Variants in UTRN observed in about 807,000 individuals in gnomAD.
UTRN encodes utrophin.
UTRN carries 283 observed loss-of-function variants against 463.9 expected under a neutral mutation model. The observed-to-expected ratio is 0.61, with a 90% CI of 0.55 to 0.67. The LOEUF (loss-of-function observed/expected upper bound fraction) is 0.67, where lower values mean the gene tolerates loss of function less well. Among genes scored for constraint, UTRN ranks in the 30% least tolerant of loss-of-function variants. The pLI, the probability that UTRN is intolerant of heterozygous loss-of-function variation, is 0.00. For synonymous variants in UTRN, 1,442 were observed against 1,431.5 expected (o/e 1.01, Z -0.17); for missense variants, 3,922 against 4,084.3 (o/e 0.96, Z 1.08).
At chr6:144,487,516 A>G in intron 28 of UTRN, 32 bp from the exon 29 acceptor site, 2 of 1,569,132 alleles carry the variant, frequency 1.3e-6, no homozygotes, top group Non-Finnish European at 8.7e-7. Context: ...TAGTAAATGC[A>G]TTATTATTTT....
In UTRN at chr6:144,751,916, G is replaced by A; in HGVS notation, c.8319G>A (p.Gln2773=). The stretch of plus-strand genomic sequence containing the variant: ...ATCCCTCTCTAAAGATGTCTCGCCA[G>A]CTAGATGACCTTAATATGCGATGGA... ...DLHPSLKMSR[Q]LDDLNMRWKL... The change falls in exon 56 of 75, where the codon CAG becomes CAA. Residue 2773 remains glutamine, a synonymous_variant. Coordinates refer to ENST00000367545, the MANE Select transcript of UTRN (RefSeq NM_007124.3). The A allele has an allele frequency of 6.2e-7, 1 of 1,611,150 alleles. No individual in the cohort carries two copies.
intron 3 of UTRN, among the ~76,000 whole-genome samples, chr6:144,417,208 C>G (rs1290034917): frequency 6.6e-6 from 1 of 152,138 alleles, no homozygotes; most frequent in African/African-American, 2.4e-5. Flanking sequence ...ATATCCCACC[C>G]ACTCCAGTGA....
At chr6:144,381,519 G>A (rs1018266672) in intron 2 of UTRN, among the ~76,000 whole-genome samples, 18 of 152,164 alleles carry the variant, frequency 1.2e-4, no homozygotes, top group Non-Finnish European at 2.4e-4. Flanking sequence ...ACCCTGATAT[G>A]GCTTGTCTGT....
intron 57 of UTRN, 95 bp downstream of exon 57, chr6:144,754,893 T>G (rs148705699): frequency 8.1e-7 from 1 of 1,227,760 alleles, no homozygotes; most frequent in Non-Finnish European, 1.2e-6. Flanking sequence ...GCTATAAATA[T>G]GTTTATTTAG....
chr6:144,523,871 C>CT (rs1001156490), intron 41 of UTRN, among the ~76,000 whole-genome samples: 2 of 152,132 alleles, frequency 1.3e-5, no homozygotes, highest in African/African-American at 4.8e-5. Flanking sequence ...GTACCAAACT[C>CT]TTTTTTATAG....
chr6:144,659,985 C>CA (rs1779701937), intron 51 of UTRN: 20 of 292,182 alleles, frequency 6.8e-5, no homozygotes, highest in South Asian at 6.7e-4. Flanking sequence ...AATACAGAAG[C>CA]AGGTCTATTC....
rs906243011 is a variant in UTRN at position 144,803,060 on chromosome 6, C to G, written c.9270C>G (p.Asn3090Lys). Reference protein sequence around the residue: ...GFRYRSLKHFNYDVCQSCFFS... With the variant: ...GFRYRSLKHFKYDVCQSCFFS... ...GGTATAGAAGCCTTAAGCATTTTAACTATGATGTCTGCCAGAGTTGTTTCT... is the reference window on the plus strand; with the variant it reads ...GGTATAGAAGCCTTAAGCATTTTAAGTATGATGTCTGCCAGAGTTGTTTCT... Residue 3090 changes from asparagine to lysine, a missense_variant, in exon 65 of 75, where the codon AAC becomes AAG. By Grantham distance (94) the Asn-to-Lys change is moderately conservative. Around this residue, in one of 3 missense-constraint regions of UTRN, gnomAD observed 1,309 missense variants for 1,452.6 expected, o/e 0.90. Coordinates refer to ENST00000367545, the MANE Select transcript of UTRN (RefSeq NM_007124.3). The G allele has an allele frequency of 6.3e-7, 1 of 1,586,374 alleles. No individual in the cohort carries two copies. Among genetic ancestry groups the G allele is most frequent in the Non-Finnish European group, 8.6e-7 (1 of 1,168,062 alleles).
chr6:144,292,034 C>A, intron 2 of UTRN, 127 bp downstream of exon 2: 1 of 879,172 alleles, frequency 1.1e-6, no homozygotes, highest in Non-Finnish European at 1.7e-6. Context: ...AAACTGAATT[C>A]TGACAAATGA....
chr6:144,606,458 G>A (rs1381061789), intron 51 of UTRN, among the ~76,000 whole-genome samples: 2 of 152,192 alleles, frequency 1.3e-5, no homozygotes, highest in African/African-American at 4.8e-5. Flanking sequence ...GCTACACAAT[G>A]TACTGACATT....
chr6:144,470,578 C>T lies in UTRN; in HGVS notation c.3067-3142C>T, dbSNP rs532218113. On this transcript the variant is annotated intron_variant, in intron 23 of 74. Transcript: ENST00000367545. Reference sequence around the variant, plus strand: ...CCGGGAAGAGGCGCTCCTCACTTCCCAGACTGGGCGGCCGGGCAGAGACGC... The same window carrying T: ...CCGGGAAGAGGCGCTCCTCACTTCCTAGACTGGGCGGCCGGGCAGAGACGC... Among the ~76,000 whole-genome samples the T allele has an allele frequency of 2.6e-5, 4 of 151,126 alleles. No individual in the cohort carries two copies. The South Asian group carries it at 6.3e-4, about 24-fold the overall frequency.
chr6:144,440,677 G>A (rs1352572826), intron 13 of UTRN, among the ~76,000 whole-genome samples: 1 of 152,216 alleles, frequency 6.6e-6, no homozygotes, highest in African/African-American at 2.4e-5. Flanking sequence ...AGCTCTTGGG[G>A]TGAATGGATG....
chr6:144,564,101 A>G (rs575584140), intron 50 of UTRN, among the ~76,000 whole-genome samples: 3 of 152,134 alleles, frequency 2.0e-5, no homozygotes, highest in Non-Finnish European at 4.4e-5. Flanking sequence ...TAAAGATTCA[A>G]CCATAAATAC....
chr6:144,751,925 C>T lies in UTRN; in HGVS notation c.8328C>T (p.Asp2776=). 6.2e-7 allele frequency: 1 copy of T among 1,610,010 alleles called. No individual in the cohort carries two copies. The highest frequency in any genetic ancestry group is 1.3e-5 in the African/African-American group (1 of 74,708). ...TAAAGATGTCTCGCCAGCTAGATGA[C>T]CTTAATATGCGATGGAAACTTTTAC... ...PSLKMSRQLD[D]LNMRWKLLQV... The change falls in exon 56 of 75, where the codon GAC becomes GAT. Residue 2776 remains aspartate, a synonymous_variant. Transcript: ENST00000367545.
chr6:144,564,154 G>T (rs1800183149), intron 50 of UTRN, among the ~76,000 whole-genome samples: 2 of 152,152 alleles, frequency 1.3e-5, no homozygotes, highest in South Asian at 2.1e-4. Flanking sequence ...CATAGGGGGA[G>T]CCTGCAATGT....
rs979486886 is a variant in UTRN, at chr6:144,730,369, G to C, written c.7822G>C (p.Glu2608Gln). 2.5e-6 allele frequency: 4 copies of C among 1,604,950 alleles called. No individual in the cohort carries two copies. In the African/African-American group the frequency reaches 5.4e-5, roughly 22 times the overall value. Reference sequence around the variant, plus strand: ...TCTCTTTTGAAAGGCCCTGAGACGGGAGTTAAAGGAGAAAGAATATTCTGT... The same window carrying C: ...TCTCTTTTGAAAGGCCCTGAGACGGCAGTTAAAGGAGAAAGAATATTCTGT... ...QYDHCKALRR[E>Q]LKEKEYSVLN... Residue 2608 changes from glutamate (E) to glutamine (Q), a missense_variant, in exon 54 of 75, where the codon GAG (glutamate) becomes CAG (glutamine). Glu to Gln is a conservative substitution (Grantham distance 29, BLOSUM62 2). Transcript: ENST00000367545.
chr6:144,522,490 G>A (rs547982696), intron 40 of UTRN, among the ~76,000 whole-genome samples: 103 of 152,258 alleles, frequency 6.8e-4, no homozygotes, highest in Non-Finnish European at 1.2e-3. Context: ...TTAATTGTCA[G>A]CATTTATCAG....
intron 51 of UTRN, among the ~76,000 whole-genome samples, chr6:144,595,030 C>A (rs987230979): frequency 1.3e-5 from 2 of 151,946 alleles, no homozygotes; most frequent in Non-Finnish European, 2.9e-5. Context: ...CAGTAATGTA[C>A]TTTTAATAGA....
At chr6:144,385,810 G>A (rs193185230) in intron 2 of UTRN, among the ~76,000 whole-genome samples, 18 of 151,876 alleles carry the variant, frequency 1.2e-4, no homozygotes, top group African/African-American at 3.4e-4. Flanking sequence ...TTAAGTTCAA[G>A]TGATTCTCCT....
intron 52 of UTRN, among the ~76,000 whole-genome samples, chr6:144,692,123 A>G (rs1388705496): frequency 6.6e-6 from 1 of 152,154 alleles, no homozygotes; most frequent in East Asian, 1.9e-4. Flanking sequence ...GCTCCCACTT[A>G]TAAGTGAAGA....
Sources: gnomAD v4.1 joint callset for allele counts (sites outside exome capture counted in the v4.1 genomes callset) on GRCh38, gnomAD v4.1.1 for gene constraint, gnomAD v4.1.1 regional missense constraint, MANE v1.5 for transcripts, NCBI Gene and HGNC (gene_info 2026-07-23, HGNC 2026-07-21) for gene names.